Variants in MFSD6 observed in about 807,000 individuals in gnomAD.
The protein encoded by MFSD6 is major facilitator superfamily domain-containing protein 6.
Under a neutral mutation model 56.3 loss-of-function variants are expected in MFSD6, and 26 were observed. The ratio of observed to expected loss-of-function variants is 0.46; its 90% confidence interval spans 0.34 to 0.64. The LOEUF (loss-of-function observed/expected upper bound fraction) is 0.64. Among genes scored for constraint, MFSD6 ranks in the 30% least tolerant of loss-of-function variants. The probability of loss-of-function intolerance (pLI) is 0.01; values close to 1 mark genes in which losing one functional copy is unlikely to be tolerated. For missense variants in MFSD6, 750 were observed against 986.2 expected, an observed-to-expected ratio of 0.76 and a Z score of 3.21; for synonymous variants, 331 against 366.9, an observed-to-expected ratio of 0.90 and a Z score of 1.12.
At chr2:190,442,329 C>T (rs1411282094) in intron 3 of MFSD6, among the ~76,000 whole-genome samples, 3 of 152,014 alleles carry the variant, frequency 2.0e-5, no homozygotes, top group African/African-American at 7.3e-5. Flanking sequence ...GGGCTGAATA[C>T]TAAAGGGAAG....
rs530006763 is a variant in MFSD6, at chr2:190,490,307, T to C, written c.1891+441T>C. 3.9e-3 allele frequency among the ~76,000 whole-genome samples: 588 copies of C among 151,478 alleles called. 4 individuals are homozygous for C. Among genetic ancestry groups the C allele is most frequent in the African/African-American group, 0.014 (569 of 41,324 alleles). ...GGCCGGGTGCAGTGGCTCACGCCTG[T>C]AATCCCAACACTTTGGGAGGCCGAG... On this transcript the variant is annotated intron_variant, in intron 6 of 7. Coordinates refer to ENST00000392328, the MANE Select transcript of MFSD6 (RefSeq NM_017694.4). This position sits in a 1 kb window ranked among gnomAD's most constrained non-coding sequence, Gnocchi z 4.5.
chr2:190,435,582 T>A (rs1274210946), intron 2 of MFSD6, among the ~76,000 whole-genome samples: 1 of 152,228 alleles, frequency 6.6e-6, no homozygotes, highest in Non-Finnish European at 1.5e-5. Flanking sequence ...TTCTAAAGAA[T>A]CCTAGACTTC....
chr2:190,499,037 AC>A lies in MFSD6; in HGVS notation c.2173-977del, dbSNP rs1689872985. On this transcript the variant is annotated intron_variant, in intron 7 of 7. Coordinates refer to ENST00000392328, the MANE Select transcript of MFSD6 (RefSeq NM_017694.4). The surrounding 1 kb of genome is among the most constrained non-coding windows in gnomAD (Gnocchi z 6.0). ...GTGGCGGGTGCCTGTAATCCCAGCT[AC>A]TATGGAAGGCTGAGGCAGAGAATTG... Among the ~76,000 whole-genome samples the A allele has an allele frequency of 1.3e-5, 2 of 152,174 alleles. No homozygotes were observed. Among genetic ancestry groups the A allele is most frequent in the South Asian group, 4.1e-4 (2 of 4,826 alleles).
Position 190,488,367 on chromosome 2 carries a change from G to T in MFSD6, c.1631-290G>T, listed in dbSNP as rs1045860696. Among the ~76,000 whole-genome samples the T allele has an allele frequency of 6.6e-6, 1 of 152,098 alleles. No individual in the cohort carries two copies. The highest frequency in any genetic ancestry group is 6.5e-5 in the Admixed American group (1 of 15,284). On this transcript the variant is annotated intron_variant, in intron 4 of 7. Transcript: ENST00000392328. This position sits in a 1 kb window ranked among gnomAD's most constrained non-coding sequence, Gnocchi z 6.4. ...ACAGGAAGTAGAATGGTGGTTGTCA[G>T]GGGATGGGACAAGGGGTGAGTGTAA...
In MFSD6 at chr2:190,447,851, T is replaced by A. The variant is rs1456266168; in HGVS notation, c.1532+10290T>A. On this transcript the variant is annotated intron_variant, in intron 3 of 7. Transcript: ENST00000392328. The surrounding 1 kb of genome is among the most constrained non-coding windows in gnomAD (Gnocchi z 4.5). ...AAAGATAATCATTTGGTTTTTATCATCCCTTGAAAAGAACATCTTTGCAAA... is the reference window on the plus strand; with the variant it reads ...AAAGATAATCATTTGGTTTTTATCAACCCTTGAAAAGAACATCTTTGCAAA... 6.6e-6 allele frequency among the ~76,000 whole-genome samples: 1 copy of A among 152,194 alleles called. No individual in the cohort carries two copies. The highest frequency in any genetic ancestry group is 2.1e-4 in the South Asian group (1 of 4,828).
At chr2:190,427,770 C>G (rs903452658) in intron 2 of MFSD6, among the ~76,000 whole-genome samples, 1 of 151,078 alleles carries the variant, frequency 6.6e-6, no homozygotes, top group African/African-American at 2.4e-5. Flanking sequence ...TCACTCTTGT[C>G]ACCCAGGCTA....
chr2:190,495,987 A>G lies in MFSD6; in HGVS notation c.1892-1452A>G. Among the ~76,000 whole-genome samples the G allele has an allele frequency of 6.6e-6, 1 of 152,220 alleles. No homozygotes were observed. Among genetic ancestry groups the G allele is most frequent in the East Asian group, 1.9e-4 (1 of 5,202 alleles). ...AAATGCAACAAAAACAAAGATAAAT[A>G]GATGGGACTTAATTAAACTAAAGAG... On this transcript the variant is annotated intron_variant, in intron 6 of 7. Coordinates refer to ENST00000392328, the MANE Select transcript of MFSD6 (RefSeq NM_017694.4). The surrounding 1 kb of genome is among the most constrained non-coding windows in gnomAD (Gnocchi z 4.7).
At position 190,431,389 on chromosome 2, in the gene MFSD6, C is replaced by T. The variant is rs1334064046; in HGVS notation, c.-53-4588C>T. ...TGGAGGTTGTAGCGAGCCGAGATCACCCCACTGCACTCCAGCCTGGGCACC... is the reference window on the plus strand; with the variant it reads ...TGGAGGTTGTAGCGAGCCGAGATCATCCCACTGCACTCCAGCCTGGGCACC... On this transcript the variant is annotated intron_variant, in intron 2 of 7. Transcript: ENST00000392328. This position sits in a 1 kb window ranked among gnomAD's most constrained non-coding sequence, Gnocchi z 4.4. Among the ~76,000 whole-genome samples the T allele has an allele frequency of 6.6e-6, 1 of 152,224 alleles. No individual in the cohort carries two copies. Among genetic ancestry groups the T allele is most frequent in the African/African-American group, 2.4e-5 (1 of 41,462 alleles).
chr2:190,482,090 T>C (rs1688707069), intron 4 of MFSD6, among the ~76,000 whole-genome samples: 1 of 152,202 alleles, frequency 6.6e-6, no homozygotes, highest in Non-Finnish European at 1.5e-5. Context: ...GGAAATTGTA[T>C]GGGTCAGGTG....
chr2:190,426,447 A>T lies in MFSD6; in HGVS notation c.-53-9530A>T, dbSNP rs1685787236. On this transcript the variant is annotated intron_variant, in intron 2 of 7. Transcript: ENST00000392328. The surrounding 1 kb of genome is among the most constrained non-coding windows in gnomAD (Gnocchi z 4.7). ...TTTTTGTTTTGTTTCAAGCATGTTT[A>T]TAATTGCCTATCTAAGCATTTTTAG... 1.3e-5 allele frequency among the ~76,000 whole-genome samples: 2 copies of T among 152,002 alleles called. No homozygotes were observed. The highest frequency in any genetic ancestry group is 4.1e-4 in the South Asian group (2 of 4,826).
intron 3 of MFSD6, among the ~76,000 whole-genome samples, chr2:190,441,043 G>A (rs1237235292): frequency 3.3e-5 from 5 of 152,100 alleles, no homozygotes; most frequent in East Asian, 1.9e-4. Context: ...CTCTGCAGCC[G>A]GGTGTTCAAT....
chr2:190,464,322 T>C (rs188564526), intron 3 of MFSD6, among the ~76,000 whole-genome samples: 62 of 152,296 alleles, frequency 4.1e-4, no homozygotes, highest in African/African-American at 1.5e-3. Flanking sequence ...CTTTGCAAAA[T>C]GCTTGTTGCC....
In MFSD6 at chr2:190,425,612, A is replaced by G. The variant is rs968274155; in HGVS notation, c.-54+10199A>G. On this transcript the variant is annotated intron_variant, in intron 2 of 7. Transcript: ENST00000392328. The surrounding 1 kb of genome is among the most constrained non-coding windows in gnomAD (Gnocchi z 4.3). ...TCTGCATTGATTGGTAAGCTGAAGT[A>G]ATTTTTCTTTTTTAGCTTATTAACA... Among the ~76,000 whole-genome samples the G allele has an allele frequency of 1.3e-5, 2 of 152,166 alleles. No homozygotes were observed. Among genetic ancestry groups the G allele is most frequent in the Non-Finnish European group, 2.9e-5 (2 of 68,030 alleles).
rs953308505 is a variant in MFSD6 at position 190,497,824 on chromosome 2, T to A, written c.2172+105T>A. 7.5e-7 allele frequency: 1 copy of A among 1,339,518 alleles called. No homozygotes were observed. The highest frequency in any genetic ancestry group is 1.0e-6 in the Non-Finnish European group (1 of 978,320). 83.0% of individuals were successfully genotyped at this position (1,339,518 alleles called of 1,614,324 possible). A position where few individuals can be genotyped will look rare whatever the true frequency, so the allele number is the denominator to read the frequency against. On this transcript the variant is annotated intron_variant, in intron 7 of 7. Transcript: ENST00000392328. The surrounding 1 kb of genome is among the most constrained non-coding windows in gnomAD (Gnocchi z 5.2). ...TTCATTCAACAAGATTTATTGAAAG[T>A]CTGGTGGGGGAAATAGACATGCAAA...
At chr2:190,414,587 C>T (rs537054645) in intron 1 of MFSD6, among the ~76,000 whole-genome samples, 2 of 152,168 alleles carry the variant, frequency 1.3e-5, no homozygotes, top group South Asian at 2.1e-4. Flanking sequence ...CTTTCAATTC[C>T]GTATACTGGG....
chr2:190,444,584 T>G (rs900563886), intron 3 of MFSD6, among the ~76,000 whole-genome samples: 1 of 152,208 alleles, frequency 6.6e-6, no homozygotes, highest in Non-Finnish European at 1.5e-5. Flanking sequence ...AAGTCATCAT[T>G]CTCCACAACT....
At chr2:190,441,481 G>A (rs1686374666) in intron 3 of MFSD6, among the ~76,000 whole-genome samples, 1 of 151,908 alleles carries the variant, frequency 6.6e-6, no homozygotes. Flanking sequence ...AAGGAGGAGG[G>A]GCGGGGGTTG....
At chr2:190,441,340 A>G (rs1440830659) in intron 3 of MFSD6, among the ~76,000 whole-genome samples, 1 of 152,026 alleles carries the variant, frequency 6.6e-6, no homozygotes, top group Non-Finnish European at 1.5e-5. Flanking sequence ...CAGACCAATT[A>G]CATCAGTCTT....
chr2:190,482,266 A>G (rs564761226), intron 4 of MFSD6, among the ~76,000 whole-genome samples: 2 of 152,198 alleles, frequency 1.3e-5, no homozygotes, highest in Non-Finnish European at 2.9e-5. Flanking sequence ...CAAGAAAAGA[A>G]AACATTTAAT....
Sources: allele counts gnomAD v4.1 joint callset (sites outside exome capture counted in the v4.1 genomes callset), GRCh38; gene constraint gnomAD v4.1.1; non-coding constraint Gnocchi (gnomAD v3.1); transcripts MANE v1.5; gene names NCBI Gene and HGNC (gene_info 2026-07-23, HGNC 2026-07-21).